Variants in MYO1D observed in about 807,000 individuals in gnomAD.
MYO1D encodes the protein myosin ID.
In MYO1D, 83 loss-of-function variants were observed where a neutral mutation model predicts 122.0. That is an observed-to-expected ratio of 0.68 (90% CI 0.57 to 0.82). The LOEUF (loss-of-function observed/expected upper bound fraction) is 0.82, where lower values mean the gene tolerates loss of function less well. Among genes scored for constraint, MYO1D ranks in the 40% least tolerant of loss-of-function variants. MYO1D has a pLI of 0.00. For missense variants in MYO1D, 1,157 were observed against 1,269.5 expected, an observed-to-expected ratio of 0.91 and a Z score of 1.35; for synonymous variants, 464 against 446.9, an observed-to-expected ratio of 1.04 and a Z score of -0.48.
intron 20 of MYO1D, among the ~76,000 whole-genome samples, chr17:32,632,684 T>A (rs948452376): frequency 6.6e-6 from 1 of 151,892 alleles, no homozygotes; most frequent in Non-Finnish European, 1.5e-5. Flanking sequence ...GAATTCCTTT[T>A]ACCATCATCC....
At chr17:32,724,017 T>C (rs1245853609) in intron 14 of MYO1D, among the ~76,000 whole-genome samples, 1 of 152,154 alleles carries the variant, frequency 6.6e-6, no homozygotes, top group Non-Finnish European at 1.5e-5. Flanking sequence ...AAATCTGTAA[T>C]GATTTTCAAG....
intron 1 of MYO1D, among the ~76,000 whole-genome samples, chr17:32,823,341 A>G (rs2090692145): frequency 6.6e-6 from 1 of 152,208 alleles, no homozygotes; most frequent in Admixed American, 6.5e-5. Context: ...CAGCCCAACT[A>G]CTAACCTCTG....
intron 20 of MYO1D, among the ~76,000 whole-genome samples, chr17:32,624,129 A>C (rs1237884605): frequency 6.6e-6 from 1 of 152,118 alleles, no homozygotes; most frequent in African/African-American, 2.4e-5. Flanking sequence ...AAAGTGAAAA[A>C]ATTTGGGGAA....
At chr17:32,726,767 G>A (rs1295719401) in intron 14 of MYO1D, among the ~76,000 whole-genome samples, 1 of 150,468 alleles carries the variant, frequency 6.6e-6, no homozygotes, top group African/African-American at 2.4e-5. Context: ...CTTTAAAAAT[G>A]TATATGCATG....
At chr17:32,748,915 G>A (rs1270162315) in intron 12 of MYO1D, 21 bp downstream of exon 12, 1 of 1,597,334 alleles carries the variant, frequency 6.3e-7, no homozygotes, top group Admixed American at 1.7e-5. Flanking sequence ...ATCATGGTAG[G>A]TACCAAGGTA....
In MYO1D at chr17:32,568,105, TAA is replaced by T. The variant is rs2087189425; in HGVS notation, c.2864+36980_2864+36981del. On this transcript the variant is annotated intron_variant, in intron 21 of 21. Transcript: ENST00000318217. ...GGTGATCAGAGCTCCTCTGCAACAT[TAA>T]GTCCTTTTTCCCAAAAGAGTCTTGA... Among the ~76,000 whole-genome samples, 8 of 151,254 alleles carry T rather than the reference TAA, an allele frequency of 5.3e-5. No homozygotes were observed. The South Asian group carries it at 1.7e-3, about 32-fold the overall frequency.
chr17:32,532,734 A>C (rs1361416422), intron 21 of MYO1D, among the ~76,000 whole-genome samples: 1 of 151,914 alleles, frequency 6.6e-6, no homozygotes, highest in Non-Finnish European at 1.5e-5. Context: ...AAAAAAAAAA[A>C]AAAAAAAAAC....
chr17:32,764,424 T>C (rs922160828), intron 8 of MYO1D, among the ~76,000 whole-genome samples: 10 of 152,182 alleles, frequency 6.6e-5, no homozygotes, highest in African/African-American at 2.4e-4. Context: ...ATTTTAAATG[T>C]TCTCACCACA....
chr17:32,552,411 T>TCCACCCAC (rs1458420931), intron 21 of MYO1D, among the ~76,000 whole-genome samples: 20 of 145,516 alleles, frequency 1.4e-4, no homozygotes, highest in African/African-American at 2.8e-4. Context: ...AATCCATCCA[T>TCCACCCAC]CCATCCACCC....
At chr17:32,547,741 G>T (rs756222838) in intron 21 of MYO1D, among the ~76,000 whole-genome samples, 66 of 152,174 alleles carry the variant, frequency 4.3e-4, no homozygotes, top group Non-Finnish European at 7.8e-4. Context: ...GAGGCCAGGA[G>T]ATCGAGACCA....
At chr17:32,622,814 G>T (rs10512438) in intron 20 of MYO1D, among the ~76,000 whole-genome samples, 1 of 152,102 alleles carries the variant, frequency 6.6e-6, no homozygotes, top group Non-Finnish European at 1.5e-5. Context: ...GACTTTCCAC[G>T]CATTATTTCA....
chr17:32,804,214 A>AC (rs2090487428), intron 1 of MYO1D, among the ~76,000 whole-genome samples: 1 of 152,212 alleles, frequency 6.6e-6, no homozygotes, highest in Non-Finnish European at 1.5e-5. Flanking sequence ...CGATGTAAAC[A>AC]GTTGTTATAC....
intron 21 of MYO1D, chr17:32,498,418 C>T (rs1909199760): frequency 2.0e-5 from 3 of 152,458 alleles, no homozygotes; most frequent in Non-Finnish European, 2.9e-5. Context: ...CCTTGCCATG[C>T]TTCCTGGCTT....
At chr17:32,657,362 A>G (rs1172970988) in intron 17 of MYO1D, among the ~76,000 whole-genome samples, 1 of 152,248 alleles carries the variant, frequency 6.6e-6, no homozygotes, top group Non-Finnish European at 1.5e-5. Context: ...AATCTGGCCA[A>G]TGGTCTGTCT....
chr17:32,795,911 C>A (rs539911096), intron 1 of MYO1D, among the ~76,000 whole-genome samples: 1 of 152,054 alleles, frequency 6.6e-6, no homozygotes, highest in Non-Finnish European at 1.5e-5. Context: ...CTCAGCCCGC[C>A]TGCACCCAGG....
intron 1 of MYO1D, among the ~76,000 whole-genome samples, chr17:32,850,517 GAGCAGTATAAAAACTA>G (rs1254426633): frequency 1.3e-5 from 2 of 152,130 alleles, no homozygotes; most frequent in South Asian, 4.1e-4. Context: ...AAAAATGTCT[GAGCAGTATAAAAACTA>G]AGTGACTTTT....
intron 21 of MYO1D, among the ~76,000 whole-genome samples, chr17:32,506,553 G>A (rs895460072): frequency 5.3e-5 from 8 of 152,090 alleles, no homozygotes; most frequent in African/African-American, 1.9e-4. Context: ...GGCAGGAAAG[G>A]GGAACAAAAG....
intron 20 of MYO1D, among the ~76,000 whole-genome samples, chr17:32,605,830 T>C (rs908896906): frequency 2.0e-5 from 3 of 151,988 alleles, no homozygotes; most frequent in African/African-American, 7.2e-5. Context: ...CCTGTAATCC[T>C]AGCACTTTGG....
intron 1 of MYO1D, among the ~76,000 whole-genome samples, chr17:32,831,884 T>C (rs1035700677): frequency 7.2e-5 from 11 of 152,302 alleles, no homozygotes; most frequent in Admixed American, 5.9e-4. Flanking sequence ...CTGTTGTCAT[T>C]ACACATAAGG....
Sources: allele counts gnomAD v4.1 joint callset (sites outside exome capture counted in the v4.1 genomes callset), GRCh38; gene constraint gnomAD v4.1.1; transcripts MANE v1.5; gene names NCBI Gene and HGNC (gene_info 2026-07-23, HGNC 2026-07-21).